SLC4A4: variants seen among roughly 807,000 people sequenced by gnomAD.
The protein encoded by SLC4A4 is solute carrier family 4 member 4, also known as electrogenic sodium bicarbonate cotransporter 1.
Under a neutral mutation model 111.5 loss-of-function variants are expected in SLC4A4, and 27 were observed. That is an observed-to-expected ratio of 0.24 (90% confidence interval 0.18 to 0.33). The LOEUF is 0.33. Among genes scored for constraint, SLC4A4 ranks in the 10% least tolerant of loss-of-function variants. The pLI is 1.00. For synonymous variants in SLC4A4, 443 were observed against 463.4 expected (o/e 0.96, Z 0.57); for missense variants, 909 against 1,315.5 (o/e 0.69, Z 4.78).
chr4:71,242,738 GTT>G (rs1720345372), intron 2 of SLC4A4, among the ~76,000 whole-genome samples: 1 of 150,466 alleles, frequency 6.6e-6, no homozygotes, highest in South Asian at 2.1e-4. Context: ...TTATAATTTA[GTT>G]ATTATAATTT....
chr4:71,459,421 A>G (rs568196614), intron 12 of SLC4A4, among the ~76,000 whole-genome samples: 65 of 152,072 alleles, frequency 4.3e-4, no homozygotes, highest in Non-Finnish European at 8.2e-4. Context: ...ACACTTTCCC[A>G]TACATCTTAA....
In SLC4A4 at chr4:71,437,897, T is replaced by G. The variant is rs1724314765; in HGVS notation, c.808-2719T>G. ...CCTGCAGCACCTATTCTCTTGCTGG[T>G]GGGCAGAACTCCTGCAGCTCAGCTC... On this transcript the variant is annotated intron_variant, in intron 7 of 25. Coordinates refer to ENST00000264485, the MANE Select transcript of SLC4A4 (RefSeq NM_001098484.3). 1.7e-5 allele frequency: 3 copies of G among 174,266 alleles called. 1 individual carries two copies. The South Asian group carries it at 4.2e-4, about 25-fold the overall frequency. The allele number at this position is 174,266 out of a possible 1,614,324, so 10.8% of individuals were successfully genotyped here. A position where few individuals can be genotyped will look rare whatever the true frequency, so the allele number is the denominator to read the frequency against.
At chr4:71,102,466 T>C (rs1017276568) in intron 2 of SLC4A4, among the ~76,000 whole-genome samples, 1 of 151,678 alleles carries the variant, frequency 6.6e-6, no homozygotes, top group African/African-American at 2.4e-5. Flanking sequence ...AGACACATAA[T>C]TGTCAGATTC....
intron 2 of SLC4A4, among the ~76,000 whole-genome samples, chr4:71,171,253 G>T (rs1267177883): frequency 6.6e-6 from 1 of 152,034 alleles, no homozygotes; most frequent in Non-Finnish European, 1.5e-5. Flanking sequence ...GACTGCAAAT[G>T]GAGAGTGTGG....
intron 7 of SLC4A4, among the ~76,000 whole-genome samples, chr4:71,399,497 C>CCCTT (rs936431970): frequency 9.9e-5 from 14 of 141,450 alleles, no homozygotes; most frequent in South Asian, 7.6e-4. Context: ...CTCCCTCCCT[C>CCCTT]CCTTCCTTCC....
At chr4:71,386,060 C>T (rs1420751692) in intron 6 of SLC4A4, among the ~76,000 whole-genome samples, 2 of 150,110 alleles carry the variant, frequency 1.3e-5, no homozygotes, top group Admixed American at 6.6e-5. Flanking sequence ...TTTTCATGCT[C>T]AATTGATGAT....
chr4:71,339,458 G>A lies in SLC4A4; in HGVS notation c.342G>A (p.Glu114=). ...CTCAGCTCTTCACGGAACTGGATGA[G>A]CTGCTGGCCGTGGATGGGCAGGAGA... ...APPQLFTELD[E]LLAVDGQEME... Residue 114 remains glutamate (E), a synonymous_variant, in exon 4 of 26, where the codon GAG becomes GAA. Transcript: ENST00000264485. 1 of 1,614,098 alleles carries A rather than the reference G, an allele frequency of 6.2e-7. No homozygotes were observed. Among genetic ancestry groups the A allele is most frequent in the Non-Finnish European group, 8.5e-7 (1 of 1,180,040 alleles).
chr4:71,425,082 C>T (rs1192547390), intron 7 of SLC4A4, among the ~76,000 whole-genome samples: 2 of 151,952 alleles, frequency 1.3e-5, no homozygotes, highest in African/African-American at 4.8e-5. Flanking sequence ...TTTCCTAGTT[C>T]GGCAACCATG....
intron 3 of SLC4A4, among the ~76,000 whole-genome samples, chr4:71,293,686 T>G (rs1724560934): frequency 6.6e-6 from 1 of 152,242 alleles, no homozygotes; most frequent in Non-Finnish European, 1.5e-5. Flanking sequence ...GTTGGTAGAC[T>G]GATGGTATCA....
At chr4:71,112,557 T>C (rs1273025148) in intron 2 of SLC4A4, among the ~76,000 whole-genome samples, 1 of 152,216 alleles carries the variant, frequency 6.6e-6, no homozygotes, top group Non-Finnish European at 1.5e-5. Context: ...GTGTGCATTA[T>C]GTGTGATATA....
intron 2 of SLC4A4, among the ~76,000 whole-genome samples, chr4:71,158,423 C>T (rs1744534515): frequency 6.6e-6 from 1 of 152,062 alleles, no homozygotes; most frequent in African/African-American, 2.4e-5. Flanking sequence ...CTCCCACTTA[C>T]CCAAAGCTTT....
Position 71,436,421 on chromosome 4 carries a change from C to T in SLC4A4, c.808-4195C>T, listed in dbSNP as rs553471351. Among the ~76,000 whole-genome samples the T allele has an allele frequency of 5.3e-5, 8 of 152,098 alleles. No individual in the cohort carries two copies. The South Asian group carries it at 1.5e-3, about 28-fold the overall frequency. On this transcript the variant is annotated intron_variant, in intron 7 of 25. Coordinates refer to ENST00000264485, the MANE Select transcript of SLC4A4 (RefSeq NM_001098484.3). The stretch of plus-strand genomic sequence containing the variant: ...TGGGGCCTGTCAGGGGGTCAGGGGT[C>T]ATGGGAGGGATAATATTAGGAGAAA...
At chr4:71,364,324 A>G (rs1177187476) in intron 6 of SLC4A4, among the ~76,000 whole-genome samples, 5 of 152,200 alleles carry the variant, frequency 3.3e-5, no homozygotes, top group African/African-American at 1.2e-4. Context: ...GTGATGTCTT[A>G]TTCTGTGCAT....
intron 2 of SLC4A4, among the ~76,000 whole-genome samples, chr4:71,242,266 T>G (rs1200817558): frequency 3.3e-5 from 5 of 152,236 alleles, no homozygotes; most frequent in Non-Finnish European, 7.3e-5. Context: ...AGTACACTTA[T>G]AGCAGTTTTG....
At chr4:71,419,233 C>A (rs564651650) in intron 7 of SLC4A4, among the ~76,000 whole-genome samples, 1 of 152,206 alleles carries the variant, frequency 6.6e-6, no homozygotes, top group Non-Finnish European at 1.5e-5. Flanking sequence ...AGCTGTCAGA[C>A]AGGGACATTT....
intron 1 of SLC4A4, among the ~76,000 whole-genome samples, chr4:71,189,867 G>A (rs539120099): frequency 6.6e-6 from 1 of 152,154 alleles, no homozygotes; most frequent in Admixed American, 6.5e-5. Flanking sequence ...GATTGGGAGT[G>A]GAAAGAACAA....
intron 18 of SLC4A4, among the ~76,000 whole-genome samples, chr4:71,539,142 T>A (rs1734825078): frequency 6.6e-6 from 1 of 152,122 alleles, no homozygotes; most frequent in Non-Finnish European, 1.5e-5. Context: ...CCCAAATTCC[T>A]ATTTTTGCCC....
At chr4:71,402,793 G>A (rs1043944126) in intron 7 of SLC4A4, among the ~76,000 whole-genome samples, 36 of 152,222 alleles carry the variant, frequency 2.4e-4, no homozygotes, top group Non-Finnish European at 1.0e-4. Context: ...GTGTAGCCAT[G>A]CAATGATATC....
chr4:71,245,542 A>G (rs1330792914), intron 2 of SLC4A4, among the ~76,000 whole-genome samples: 2 of 152,136 alleles, frequency 1.3e-5, no homozygotes, highest in Non-Finnish European at 2.9e-5. Context: ...TTAGGGGATC[A>G]TGTACCATTT....
Sources: allele counts gnomAD v4.1 joint callset (sites outside exome capture counted in the v4.1 genomes callset), GRCh38; gene constraint gnomAD v4.1.1; transcripts MANE v1.5; gene names NCBI Gene and HGNC (gene_info 2026-07-23, HGNC 2026-07-21).